Variants in SDAD1 observed in about 807,000 individuals in gnomAD.
SDAD1 encodes the protein SDA1 domain containing 1, also known as protein SDA1 homolog.
In SDAD1, 79 loss-of-function variants were observed where a neutral mutation model predicts 100.3. The observed-to-expected ratio is 0.79, with a 90% CI of 0.66 to 0.95. The LOEUF is 0.95. Among genes scored for constraint, SDAD1 ranks in the 40% least tolerant of loss-of-function variants. The pLI is 0.00. For missense variants in SDAD1, 790 were observed against 810.9 expected (o/e 0.97, Z 0.31); for synonymous variants, 267 against 271.4 (o/e 0.98, Z 0.16).
At chr4:75,967,397 C>A in intron 11 of SDAD1, 63 bp from the exon 12 acceptor site, 2 of 1,419,574 alleles carry the variant, frequency 1.4e-6, no homozygotes, top group Admixed American at 1.8e-5. Context: ...CATTTCTTCT[C>A]AATGCAAACA....
intron 1 of SDAD1, 163 bp downstream of exon 1, chr4:75,990,589 G>T (rs1731197965): frequency 1.4e-6 from 2 of 1,465,174 alleles, no homozygotes; most frequent in Non-Finnish European, 9.4e-7. Flanking sequence ...CGAACCCTAA[G>T]GCATGTCCCG....
At chr4:75,965,910 C>A in intron 12 of SDAD1, 88 bp from the exon 13 acceptor site, 8 of 1,087,794 alleles carry the variant, frequency 7.4e-6, no homozygotes, top group South Asian at 2.6e-5. Flanking sequence ...TCATTCTGGT[C>A]TAAATGGTAT....
intron 21 of SDAD1, among the ~76,000 whole-genome samples, chr4:75,953,698 T>TA (rs1206816819): frequency 6.6e-6 from 1 of 152,210 alleles, no homozygotes; most frequent in African/African-American, 2.4e-5. Flanking sequence ...GGCTGGCCGT[T>TA]ACATTCAGTG....
intron 7 of SDAD1, 37 bp downstream of exon 7, chr4:75,974,037 CCA>C: frequency 6.4e-7 from 1 of 1,570,296 alleles, no homozygotes; most frequent in African/African-American, 1.3e-5. Flanking sequence ...AGCAGACCAT[CCA>C]CAGACAGAGC....
At chr4:75,978,107 G>C (rs1730260684) in intron 3 of SDAD1, among the ~76,000 whole-genome samples, 1 of 152,156 alleles carries the variant, frequency 6.6e-6, no homozygotes, top group Non-Finnish European at 1.5e-5. Flanking sequence ...ATAAAGACAG[G>C]TGGGATAACA....
At chr4:75,967,387 C>T (rs1729610516) in intron 11 of SDAD1, 53 bp from the exon 12 acceptor site, 2 of 1,497,162 alleles carry the variant, frequency 1.3e-6, no homozygotes, top group Non-Finnish European at 1.9e-6. Flanking sequence ...TATGGAGTTC[C>T]ATTTCTTCTC....
intron 3 of SDAD1, 63 bp from the exon 4 acceptor site, chr4:75,977,819 C>T (rs932517395): frequency 3.2e-6 from 3 of 943,694 alleles, no homozygotes; most frequent in East Asian, 2.4e-5. Context: ...GAAAATACAG[C>T]GTATATGTCC....
chr4:75,987,235 T>C (rs958708149), intron 1 of SDAD1, among the ~76,000 whole-genome samples: 1 of 152,152 alleles, frequency 6.6e-6, no homozygotes, highest in Non-Finnish European at 1.5e-5. Context: ...TGTACAACCA[T>C]AGGTTTTTCA....
At position 75,964,220 on chromosome 4, in the gene SDAD1, G is replaced by C; in HGVS notation, c.1105-9C>G. The C allele has an allele frequency of 6.3e-7, 1 of 1,586,598 alleles. No homozygotes were observed. Among genetic ancestry groups the C allele is most frequent in the Non-Finnish European group, 8.6e-7 (1 of 1,161,470 alleles). On this transcript the variant is annotated splice_polypyrimidine_tract_variant and intron_variant, in intron 13 of 21. Coordinates refer to ENST00000356260, the MANE Select transcript of SDAD1 (RefSeq NM_018115.4). ...AGCAATGATTGAATAATCTGAATTG[G>C]AAACAAAAAAGAGATGGGTGCTGAT... is the stretch of plus-strand genomic sequence containing the variant.
At chr4:75,962,750 T>C (rs1729318688) in intron 14 of SDAD1, among the ~76,000 whole-genome samples, 1 of 152,152 alleles carries the variant, frequency 6.6e-6, no homozygotes, top group Non-Finnish European at 1.5e-5. Flanking sequence ...GGGGTTTTTT[T>C]CTTGTAAATT....
At position 75,990,821 on chromosome 4, in the gene SDAD1, G is replaced by C. The variant is rs542154908; in HGVS notation, c.21C>G (p.Asn7Lys). 39 of 1,614,102 alleles carry C rather than the reference G, an allele frequency of 2.4e-5. No homozygotes were observed. In the South Asian group the frequency reaches 3.6e-4, roughly 15 times the overall value. ...ACTGCGGCAGGTTGCTGGGAAGCTTGTTGTTGTTTCTGTTGGACATTTTGG... is the reference window on the plus strand; with the variant it reads ...ACTGCGGCAGGTTGCTGGGAAGCTTCTTGTTGTTTCTGTTGGACATTTTGG... MSNRNN[N>K]KLPSNLPQLQ... is the part of the protein sequence containing the mutation. The change falls in exon 1 of 22, where the codon AAC (asparagine) becomes AAG (lysine). Residue 7 changes from asparagine to lysine, a missense_variant. Physicochemically the swap from Asn to Lys is moderately conservative, Grantham distance 94. Transcript: ENST00000356260.
intron 9 of SDAD1, among the ~76,000 whole-genome samples, chr4:75,970,718 A>G (rs555746873): frequency 5.7e-4 from 87 of 152,256 alleles, no homozygotes; most frequent in African/African-American, 2.1e-3. Context: ...ACCTCGTGGG[A>G]AGTTATTGGC....
intron 12 of SDAD1, 100 bp downstream of exon 12, chr4:75,967,177 G>C (rs988111686): frequency 1.8e-6 from 2 of 1,098,682 alleles, no homozygotes; most frequent in East Asian, 2.4e-5. Flanking sequence ...CTAATGTAGA[G>C]CACACTGCAC....
chr4:75,960,507 T>C (rs1465041746), intron 16 of SDAD1, among the ~76,000 whole-genome samples: 2 of 152,176 alleles, frequency 1.3e-5, no homozygotes, highest in Non-Finnish European at 2.9e-5. Flanking sequence ...CAGCAACAGT[T>C]TGCTTATGTC....
chr4:75,990,650 T>G (rs760875130), intron 1 of SDAD1, 102 bp downstream of exon 1: 2 of 1,601,358 alleles, frequency 1.2e-6, no homozygotes, highest in East Asian at 2.2e-5. Context: ...AACAGAAGAA[T>G]AGGCGGCGAG....
chr4:75,979,441 T>G (rs1730361476), intron 3 of SDAD1, among the ~76,000 whole-genome samples: 1 of 152,118 alleles, frequency 6.6e-6, no homozygotes, highest in Admixed American at 6.5e-5. Flanking sequence ...GACGCAATCC[T>G]TTATCTCCTA....
At chr4:75,957,997 A>T in intron 17 of SDAD1, 56 bp from the exon 18 acceptor site, 2 of 1,399,080 alleles carry the variant, frequency 1.4e-6, no homozygotes, top group Non-Finnish European at 2.0e-6. Context: ...TTCAACATAA[A>T]GTTGAGATGA....
chr4:75,957,419 G>C lies in SDAD1; in HGVS notation c.1770-10C>G. ...AGAAAGTAATTCACCCCTGGGGTGA[G>C]GGAAAAATAACACATGAAACAAGAA... On this transcript the variant is annotated splice_polypyrimidine_tract_variant and intron_variant, in intron 19 of 21. Coordinates refer to ENST00000356260, the MANE Select transcript of SDAD1 (RefSeq NM_018115.4). The C allele has an allele frequency of 6.2e-7, 1 of 1,613,182 alleles. No individual in the cohort carries two copies. The highest frequency in any genetic ancestry group is 8.5e-7 in the Non-Finnish European group (1 of 1,179,404).
chr4:75,973,271 G>T, intron 8 of SDAD1, 46 bp downstream of exon 8: 2 of 1,451,658 alleles, frequency 1.4e-6, no homozygotes, highest in Non-Finnish European at 1.9e-6. Context: ...TGTACTCAGA[G>T]CAATAATAAA....
Sources: gnomAD v4.1 joint callset for allele counts (sites outside exome capture counted in the v4.1 genomes callset) on GRCh38, gnomAD v4.1.1 for gene constraint, MANE v1.5 for transcripts, NCBI Gene and HGNC (gene_info 2026-07-23, HGNC 2026-07-21) for gene names.